ZNF578: variants seen among roughly 807,000 people sequenced by gnomAD.
The protein encoded by ZNF578 is zinc finger protein 578.
In ZNF578, 8 loss-of-function variants were observed where a neutral mutation model predicts 8.3. The ratio of observed to expected loss-of-function variants is 0.96; its 90% CI spans 0.56 to 1.74. The LOEUF (loss-of-function observed/expected upper bound fraction) is 1.74, where lower values mean the gene tolerates loss of function less well. Ranked by LOEUF, ZNF578 falls within the 40% of genes most tolerant of loss-of-function variation. The probability of loss-of-function intolerance (pLI) is 0.00; values close to 1 mark genes in which losing one functional copy is unlikely to be tolerated. For synonymous variants in ZNF578, 206 were observed against 232.2 expected, an observed-to-expected ratio of 0.89 and a Z score of 1.03; for missense variants, 726 against 707.5, an observed-to-expected ratio of 1.03 and a Z score of -0.30.
rs1289356561 is a variant in ZNF578 at position 52,496,597 on chromosome 19, G to C, written c.-20+5172G>C. Among the ~76,000 whole-genome samples the C allele has an allele frequency of 4.0e-5, 6 of 149,608 alleles. No individual in the cohort carries two copies. In the South Asian group the frequency reaches 1.3e-3, roughly 31 times the overall value. Reference sequence around the variant, plus strand: ...GCCCGCCTCAGCCTCCCAAAGTGCTGGGATTACAGGCGTGAGCCACCGCGC... The same window carrying C: ...GCCCGCCTCAGCCTCCCAAAGTGCTCGGATTACAGGCGTGAGCCACCGCGC... On this transcript the variant is annotated intron_variant, in intron 3 of 5. Transcript: ENST00000421239.
intron 2 of ZNF578, among the ~76,000 whole-genome samples, chr19:52,476,119 AC>A (rs975834705): frequency 2.6e-5 from 4 of 151,794 alleles, no homozygotes; most frequent in South Asian, 4.2e-4. Flanking sequence ...AAAAAAAAAA[AC>A]AATCCTTAAG....
intron 3 of ZNF578, among the ~76,000 whole-genome samples, chr19:52,495,845 AC>A (rs1308234486): frequency 1.3e-5 from 2 of 151,874 alleles, no homozygotes; most frequent in Non-Finnish European, 2.9e-5. Context: ...GTTGTGGATC[AC>A]CCTCTTCCCT....
In ZNF578 at chr19:52,511,254, A is replaced by G; in HGVS notation, c.873A>G (p.Glu291=). ...GTGAGAAACCTTACAAGTGTAATGAATGTGGAAAGTCCTTCAGTTACAAGT... is the reference window on the plus strand; with the variant it reads ...GTGAGAAACCTTACAAGTGTAATGAGTGTGGAAAGTCCTTCAGTTACAAGT... ...HTSEKPYKCN[E]CGKSFSYKSS... The change falls in exon 6 of 6, where the codon GAA becomes GAG. Residue 291 remains glutamate (E), a synonymous_variant. Transcript: ENST00000421239. 1.2e-6 allele frequency: 2 copies of G among 1,614,116 alleles called. No individual in the cohort carries two copies. The highest frequency in any genetic ancestry group is 1.7e-6 in the Non-Finnish European group (2 of 1,180,010).
chr19:52,481,480 T>C (rs1382310329), intron 2 of ZNF578, among the ~76,000 whole-genome samples: 15 of 152,230 alleles, frequency 9.9e-5, no homozygotes, highest in Non-Finnish European at 1.9e-4. Flanking sequence ...CTTCTGTGTA[T>C]ATAATATAAT....
chr19:52,502,495 G>A (rs565915284), intron 4 of ZNF578, among the ~76,000 whole-genome samples: 41 of 152,300 alleles, frequency 2.7e-4, no homozygotes, highest in African/African-American at 8.7e-4. Flanking sequence ...ACAGCACTTT[G>A]GGAGGCCAAG....
chr19:52,501,746 G>T, intron 3 of ZNF578, 81 bp from the exon 4 acceptor site: 1 of 1,448,122 alleles, frequency 6.9e-7, no homozygotes, highest in Non-Finnish European at 9.4e-7. Context: ...ACAGGGTGAT[G>T]TCTCCCCGTT....
At chr19:52,498,191 C>T (rs1390218625) in intron 3 of ZNF578, among the ~76,000 whole-genome samples, 5 of 152,186 alleles carry the variant, frequency 3.3e-5, no homozygotes, top group Admixed American at 3.3e-4. Flanking sequence ...GAGTCTCGCT[C>T]TGTCGCCCAG....
At chr19:52,467,896 C>T (rs1219803556) in intron 2 of ZNF578, among the ~76,000 whole-genome samples, 1 of 152,108 alleles carries the variant, frequency 6.6e-6, no homozygotes, top group Non-Finnish European at 1.5e-5. Flanking sequence ...GGAATCATTT[C>T]ATGTGATTTC....
chr19:52,515,716 C>T lies in ZNF578; in HGVS notation c.*3562C>T, dbSNP rs4146509. On this transcript the variant is annotated 3_prime_UTR_variant, in exon 6 of 6. Transcript: ENST00000421239. ...TTGAAATGATTGGCAAAATGGAGTG[C>T]GTGTCTGGGTGTGGCTTTTTTTTTT... Among the ~76,000 whole-genome samples the T allele has an allele frequency of 4.7e-5, 7 of 150,260 alleles. No homozygotes were observed. The East Asian group carries it at 5.9e-4, about 13-fold the overall frequency.
At chr19:52,495,888 G>T (rs1234696085) in intron 3 of ZNF578, among the ~76,000 whole-genome samples, 1 of 152,156 alleles carries the variant, frequency 6.6e-6, no homozygotes, top group Admixed American at 6.6e-5. Context: ...TGGGGGAAGA[G>T]AAGTAGGGTA....
At position 52,490,284 on chromosome 19, in the gene ZNF578, A is replaced by G. The variant is rs1339516011; in HGVS notation, c.-121-1040A>G. ...ATTGCACCCTCTGACACTGTTAGTC[A>G]GTTCTTATTCCTTTTAATACTGTGT... On this transcript the variant is annotated intron_variant, in intron 2 of 5. Transcript: ENST00000421239. 1.1e-4 allele frequency among the ~76,000 whole-genome samples: 16 copies of G among 152,236 alleles called. No individual in the cohort carries two copies. In the East Asian group the frequency reaches 3.1e-3, roughly 29 times the overall value.
chr19:52,506,198 C>T (rs193002535), intron 5 of ZNF578, among the ~76,000 whole-genome samples: 2 of 152,256 alleles, frequency 1.3e-5, no homozygotes, highest in African/African-American at 4.8e-5. Flanking sequence ...CACCCCTGGC[C>T]CCATCCGAGT....
Position 52,514,498 on chromosome 19 carries a change from T to A in ZNF578, c.*2344T>A, listed in dbSNP as rs1364125766. Among the ~76,000 whole-genome samples the A allele has an allele frequency of 6.6e-6, 1 of 152,220 alleles. No homozygotes were observed. The highest frequency in any genetic ancestry group is 1.5e-5 in the Non-Finnish European group (1 of 68,038). ...TTTAAATAAACATCAAAATGTAGTT[T>A]AAGCAGTTAGTCTGTTTTTCAGTTT... On this transcript the variant is annotated 3_prime_UTR_variant, in exon 6 of 6. Transcript: ENST00000421239.
At chr19:52,495,247 C>G (rs2059381839) in intron 3 of ZNF578, among the ~76,000 whole-genome samples, 1 of 143,284 alleles carries the variant, frequency 7.0e-6, no homozygotes, top group Non-Finnish European at 1.6e-5. Flanking sequence ...TAATGACTCT[C>G]TGTGCCTTTA....
chr19:52,505,861 T>C (rs1389622635), intron 5 of ZNF578, among the ~76,000 whole-genome samples: 4 of 152,190 alleles, frequency 2.6e-5, no homozygotes, highest in Non-Finnish European at 5.9e-5. Context: ...CTACTGTCAT[T>C]TCCTTCAGAC....
At chr19:52,501,734 G>T in intron 3 of ZNF578, 93 bp from the exon 4 acceptor site, 2 of 1,349,668 alleles carry the variant, frequency 1.5e-6, no homozygotes, top group African/African-American at 1.5e-5. Flanking sequence ...GGGCTTCTTT[G>T]TACAGGGTGA....
Position 52,498,684 on chromosome 19 carries a change from C to CTTTTTTTTTTTTT in ZNF578, c.-19-3138_-19-3126dup, listed in dbSNP as rs72019256. ...AGGAATGAGCCACCTCGCCTGGCCG[C>CTTTTTTTTTTTTT]TTTTTTTTTTTTTTTTTGTAAGACA... On this transcript the variant is annotated intron_variant, in intron 3 of 5. Transcript: ENST00000421239. Among the ~76,000 whole-genome samples, 295 of 106,798 alleles carry CTTTTTTTTTTTTT rather than the reference C, an allele frequency of 2.8e-3. 34 individuals are homozygous for CTTTTTTTTTTTTT. Among genetic ancestry groups the CTTTTTTTTTTTTT allele is most frequent in the African/African-American group, 8.7e-3 (213 of 24,590 alleles). 70.1% of individuals were successfully genotyped at this position (106,798 alleles called of 152,430 possible).
At chr19:52,474,418 A>G (rs2059301680) in intron 2 of ZNF578, 1 of 286,270 alleles carries the variant, frequency 3.5e-6, no homozygotes, top group South Asian at 3.6e-5. Context: ...GTTTCTCTCC[A>G]GTAAGAAATA....
intron 2 of ZNF578, among the ~76,000 whole-genome samples, chr19:52,470,410 T>A (rs1388042157): frequency 1.3e-5 from 2 of 152,274 alleles, no homozygotes; most frequent in South Asian, 4.2e-4. Context: ...GATTATGATT[T>A]AAGGAGATGT....
Sources: gnomAD v4.1 joint callset for allele counts (sites outside exome capture counted in the v4.1 genomes callset) on GRCh38, gnomAD v4.1.1 for gene constraint, MANE v1.5 for transcripts, NCBI Gene and HGNC (gene_info 2026-07-23, HGNC 2026-07-21) for gene names.